The following PDCD6 variants were observed in gnomAD, a reference collection of about 807,000 sequenced individuals.
PDCD6 encodes the protein programmed cell death protein 6.
A neutral mutation model predicts 28.3 loss-of-function variants in PDCD6; 12 were observed. The ratio of observed to expected loss-of-function variants is 0.42; its 90% CI spans 0.27 to 0.69. The LOEUF is 0.69. PDCD6 is among the 30% of genes least tolerant of loss of function. The pLI is 0.22. For missense variants in PDCD6, 226 were observed against 269.9 expected, an observed-to-expected ratio of 0.84 and a Z score of 1.14; for synonymous variants, 92 against 108.0, an observed-to-expected ratio of 0.85 and a Z score of 0.92.
rs935936373 is a variant in PDCD6, at chr5:305,951, A to G, written c.209-651A>G. 2.0e-5 allele frequency: 3 copies of G among 152,954 alleles called. No individual in the cohort carries two copies. The highest frequency in any genetic ancestry group is 7.3e-5 in the African/African-American group (3 of 41,378). 9.5% of individuals were successfully genotyped at this position (152,954 alleles called of 1,614,324 possible). On this transcript the variant is annotated intron_variant, in intron 3 of 5. Transcript: ENST00000264933. The surrounding 1 kb of genome is among the most constrained non-coding windows in gnomAD (Gnocchi z 4.0). ...TCTGTTCTTGAAAAGAGACCACGTG[A>G]TTTATCATTTTCTCTGCAGCAGTAA...
chr5:287,271 A>G (rs1739030429), intron 2 of PDCD6, among the ~76,000 whole-genome samples: 1 of 152,136 alleles, frequency 6.6e-6, no homozygotes. Context: ...GGAGCCAGTG[A>G]TGCTGTTTAA....
chr5:297,088 G>C (rs1389338465), intron 2 of PDCD6, among the ~76,000 whole-genome samples: 3 of 152,194 alleles, frequency 2.0e-5, no homozygotes, highest in Non-Finnish European at 2.9e-5. Context: ...CCGGGCAGTC[G>C]CAGGCCTCCC....
At chr5:303,359 C>T (rs1247585631) in intron 2 of PDCD6, among the ~76,000 whole-genome samples, 3 of 151,174 alleles carry the variant, frequency 2.0e-5, no homozygotes, top group Non-Finnish European at 4.4e-5. Flanking sequence ...ACTGGTCTCT[C>T]CTGACCTTAA....
chr5:292,561 C>T (rs1248204787), intron 2 of PDCD6, among the ~76,000 whole-genome samples: 1 of 152,156 alleles, frequency 6.6e-6, no homozygotes, highest in Non-Finnish European at 1.5e-5. Context: ...GCCTGGCCTG[C>T]CTTTTTCTTT....
chr5:310,934 T>A, intron 4 of PDCD6: 1 of 232,274 alleles, frequency 4.3e-6, no homozygotes, highest in South Asian at 6.2e-5. Flanking sequence ...TGAAAGTAAC[T>A]CCACTGGGTT....
intron 5 of PDCD6, 25 bp downstream of exon 5, chr5:311,427 T>G: frequency 2.4e-4 from 363 of 1,530,142 alleles, no homozygotes; most frequent in Non-Finnish European, 3.0e-4. Context: ...TCACGTGGGT[T>G]TGTGGTGGTG....
intron 2 of PDCD6, among the ~76,000 whole-genome samples, chr5:303,047 G>A (rs543224030): frequency 6.6e-6 from 1 of 152,332 alleles, no homozygotes; most frequent in African/African-American, 2.4e-5. Flanking sequence ...TACCCCCGTG[G>A]AAGTCTCCCT....
chr5:300,394 C>T lies in PDCD6; in HGVS notation c.164-3783C>T, dbSNP rs995563851. ...ACTCCGCTGGGAGGGACTCTGGAAG[C>T]GCCTGGCTTCCCTGGCAGCCCTTTC... is the stretch of plus-strand genomic sequence containing the variant. On this transcript the variant is annotated intron_variant, in intron 2 of 5. Transcript: ENST00000264933. Among the ~76,000 whole-genome samples the T allele has an allele frequency of 9.3e-4, 141 of 152,344 alleles. 1 individual carries two copies. Among genetic ancestry groups the T allele is most frequent in the Non-Finnish European group, 3.8e-4 (26 of 68,024 alleles).
intron 2 of PDCD6, among the ~76,000 whole-genome samples, chr5:277,975 A>T (rs1415926517): frequency 1.3e-5 from 2 of 151,882 alleles, no homozygotes; most frequent in East Asian, 1.9e-4. Context: ...TCCAGGCCAG[A>T]CAAATCTAAA....
At chr5:303,020 G>A (rs1398733507) in intron 2 of PDCD6, among the ~76,000 whole-genome samples, 1 of 152,194 alleles carries the variant, frequency 6.6e-6, no homozygotes, top group Non-Finnish European at 1.5e-5. Context: ...TTTAACTTCT[G>A]GGCTGGGAGA....
intron 4 of PDCD6, chr5:310,384 T>G (rs139266164): frequency 6.9e-4 from 105 of 152,720 alleles, no homozygotes; most frequent in African/African-American, 2.3e-3. Flanking sequence ...TGCAGGTCAT[T>G]AACTGTGAGA....
chr5:272,137 C>T (rs1432487937), intron 1 of PDCD6, among the ~76,000 whole-genome samples: 1 of 151,246 alleles, frequency 6.6e-6, no homozygotes, highest in African/African-American at 2.5e-5. Flanking sequence ...GAGTGCGCCA[C>T]TGCAGACCCG....
intron 2 of PDCD6, among the ~76,000 whole-genome samples, chr5:297,014 G>A (rs373248751): frequency 2.6e-5 from 4 of 152,208 alleles, no homozygotes; most frequent in African/African-American, 9.6e-5. Context: ...ACCTGCATCC[G>A]CACAAGTGCC....
intron 2 of PDCD6, among the ~76,000 whole-genome samples, chr5:288,245 T>C (rs981373460): frequency 6.7e-5 from 10 of 149,646 alleles, no homozygotes; most frequent in Non-Finnish European, 1.2e-4. Context: ...TCATCTCTTA[T>C]GGAAACAGAA....
chr5:308,739 A>C (rs1196760627), intron 4 of PDCD6: 1 of 152,258 alleles, frequency 6.6e-6, no homozygotes, highest in Non-Finnish European at 1.5e-5. Context: ...CTTGGTGGCC[A>C]GCAGGAGGGA....
chr5:302,940 C>T (rs1403619064), intron 2 of PDCD6, among the ~76,000 whole-genome samples: 2 of 152,296 alleles, frequency 1.3e-5, no homozygotes, highest in African/African-American at 4.8e-5. Flanking sequence ...GCACAGCTTC[C>T]CTGCATAACT....
chr5:272,418 ATCTTG>A (rs1346746879), intron 1 of PDCD6, among the ~76,000 whole-genome samples: 2 of 148,982 alleles, frequency 1.3e-5, no homozygotes, highest in African/African-American at 2.6e-5. Flanking sequence ...ATCTGAGGGA[ATCTTG>A]TCTTGTCTGT....
intron 2 of PDCD6, among the ~76,000 whole-genome samples, chr5:286,537 G>A (rs1474967389): frequency 2.0e-5 from 3 of 151,308 alleles, no homozygotes; most frequent in Non-Finnish European, 4.4e-5. Context: ...GTTCCCATTT[G>A]AGAGCTGTGC....
chr5:275,980 C>G (rs1190514772), intron 2 of PDCD6: 3 of 1,285,828 alleles, frequency 2.3e-6, no homozygotes, highest in Non-Finnish European at 3.0e-6. Flanking sequence ...TTGCTTTGGG[C>G]TCTAAGCTTC....
Sources: gnomAD v4.1 joint callset for allele counts (sites outside exome capture counted in the v4.1 genomes callset) on GRCh38, gnomAD v4.1.1 for gene constraint, Gnocchi (gnomAD v3.1) non-coding constraint, MANE v1.5 for transcripts, NCBI Gene and HGNC (gene_info 2026-07-23, HGNC 2026-07-21) for gene names.